ZNF423: variants seen among roughly 807,000 people sequenced by gnomAD.
ZNF423 encodes the protein zinc finger protein 423.
Under a neutral mutation model 95.8 loss-of-function variants are expected in ZNF423, and 12 were observed. That is an observed-to-expected ratio of 0.13 (90% CI 0.08 to 0.20). The LOEUF is 0.20. Ranked by LOEUF, ZNF423 falls within the 10% of genes least tolerant of loss-of-function variation. The pLI, the probability that ZNF423 is intolerant of heterozygous loss-of-function variation, is 1.00. For synonymous variants in ZNF423, 749 were observed against 711.9 expected (o/e 1.05, Z -0.83); for missense variants, 1,316 against 1,737.1 (o/e 0.76, Z 4.31).
At position 49,636,363 on chromosome 16, in the gene ZNF423, T is replaced by C; in HGVS notation, c.2813A>G (p.His938Arg). ...AGTCCGTGAACAAACGTTGCACTTG[T>C]GACTGCCCTTGATAAACTCAGCCTT... is the stretch of plus-strand genomic sequence containing the variant. ...RKKAEFIKGS[H>R]KCNVCSRTFF... The change falls in exon 4 of 8, where the codon CAC becomes CGC. Residue 938 changes from histidine (H) to arginine (R), a missense_variant. Coordinates refer to ENST00000563137, the MANE Select transcript of ZNF423 (RefSeq NM_001379286.1). This position sits in a 1 kb window ranked among gnomAD's most constrained non-coding sequence, Gnocchi z 8.6. 1.2e-6 allele frequency: 2 copies of C among 1,612,960 alleles called. No homozygotes were observed. Among genetic ancestry groups the C allele is most frequent in the Non-Finnish European group, 1.7e-6 (2 of 1,180,026 alleles).
At chr16:49,829,673 A>AT (rs2035042018) in intron 1 of ZNF423, among the ~76,000 whole-genome samples, 1 of 151,868 alleles carries the variant, frequency 6.6e-6, no homozygotes, top group Non-Finnish European at 1.5e-5. Flanking sequence ...TCCAGATTGG[A>AT]TTTTTTCACA....
intron 1 of ZNF423, among the ~76,000 whole-genome samples, chr16:49,844,299 A>C (rs1265264181): frequency 6.6e-6 from 1 of 152,178 alleles, no homozygotes; most frequent in East Asian, 1.9e-4. Flanking sequence ...ATAAATAATT[A>C]AAATTAAATT....
At chr16:49,793,466 T>G (rs908013889) in intron 1 of ZNF423, among the ~76,000 whole-genome samples, 3 of 152,180 alleles carry the variant, frequency 2.0e-5, no homozygotes, top group African/African-American at 7.2e-5. Flanking sequence ...CCGCGGCGCC[T>G]CCTCCAGACG....
intron 5 of ZNF423, among the ~76,000 whole-genome samples, chr16:49,568,677 C>T (rs140904835): frequency 8.8e-4 from 134 of 152,288 alleles, no homozygotes; most frequent in African/African-American, 3.0e-3. Context: ...ATGACAAATG[C>T]TGTCTGCGCA....
chr16:49,565,525 T>C (rs895347110), intron 5 of ZNF423, among the ~76,000 whole-genome samples: 1 of 152,150 alleles, frequency 6.6e-6, no homozygotes, highest in African/African-American at 2.4e-5. Flanking sequence ...AAAGGGGCTT[T>C]TCTCCCCTAA....
intron 2 of ZNF423, among the ~76,000 whole-genome samples, chr16:49,772,210 C>T (rs911281630): frequency 6.6e-6 from 1 of 152,228 alleles, no homozygotes; most frequent in African/African-American, 2.4e-5. Context: ...GTGCCGACGT[C>T]CAAGGGCAGG....
At chr16:49,646,856 G>A (rs941221179) in intron 3 of ZNF423, among the ~76,000 whole-genome samples, 2 of 152,208 alleles carry the variant, frequency 1.3e-5, no homozygotes, top group Admixed American at 1.3e-4. Flanking sequence ...ACAGGCGTGA[G>A]CCACCACGCC....
chr16:49,606,970 G>T (rs961447604), intron 5 of ZNF423, among the ~76,000 whole-genome samples: 1 of 152,122 alleles, frequency 6.6e-6, no homozygotes, highest in Non-Finnish European at 1.5e-5. Flanking sequence ...GCTGCCCCAG[G>T]AGCAGGAGAC....
rs546267875 is a variant in ZNF423 at position 49,534,065 on chromosome 16, G to A, written c.3602-8571C>T. The stretch of plus-strand genomic sequence containing the variant: ...AGGCAGGAAGATGTCTTCAGCCCAG[G>A]ACTTTGAGGTTACATTGAGCTATGA... On this transcript the variant is annotated intron_variant, in intron 5 of 7. Transcript: ENST00000563137. Among the ~76,000 whole-genome samples the A allele has an allele frequency of 4.6e-5, 7 of 152,146 alleles. No homozygotes were observed. The South Asian group carries it at 1.0e-3, about 23-fold the overall frequency.
At chr16:49,522,490 C>G (rs1445592246) in intron 7 of ZNF423, among the ~76,000 whole-genome samples, 1 of 152,060 alleles carries the variant, frequency 6.6e-6, no homozygotes, top group African/African-American at 2.4e-5. Flanking sequence ...GGATATGTCA[C>G]ATGGGCAACA....
Position 49,635,579 on chromosome 16 carries a change from C to T in ZNF423, c.3516+81G>A. 7.4e-6 allele frequency: 11 copies of T among 1,478,764 alleles called. No individual in the cohort carries two copies. Among genetic ancestry groups the T allele is most frequent in the African/African-American group, 1.4e-5 (1 of 70,586 alleles). The allele number at this position is 1,478,764 out of a possible 1,614,324, so 91.6% of individuals were successfully genotyped here. A position where few individuals can be genotyped will look rare whatever the true frequency, so the allele number is the denominator to read the frequency against. ...AGCGCCGCTTCTTGGAAACACGGCA[C>T]TCAGGGTACGTGGCTCCTGTGGGGA... On this transcript the variant is annotated intron_variant, in intron 4 of 7. Coordinates refer to ENST00000563137, the MANE Select transcript of ZNF423 (RefSeq NM_001379286.1). This position sits in a 1 kb window ranked among gnomAD's most constrained non-coding sequence, Gnocchi z 4.8.
intron 3 of ZNF423, among the ~76,000 whole-genome samples, chr16:49,707,179 C>T (rs986035695): frequency 2.6e-5 from 4 of 152,162 alleles, no homozygotes; most frequent in African/African-American, 4.8e-5. Context: ...GGTACCCCGA[C>T]GCCCTGTGTC....
At chr16:49,790,116 A>G (rs1044834612) in intron 1 of ZNF423, among the ~76,000 whole-genome samples, 2 of 152,232 alleles carry the variant, frequency 1.3e-5, no homozygotes, top group Non-Finnish European at 2.9e-5. Flanking sequence ...CACTAGGAGA[A>G]TATGGGAGAA....
chr16:49,725,937 G>A (rs1431286427), intron 3 of ZNF423, among the ~76,000 whole-genome samples: 1 of 152,222 alleles, frequency 6.6e-6, no homozygotes, highest in Non-Finnish European at 1.5e-5. Context: ...CCAATGCTGA[G>A]CTCCAAACTG....
chr16:49,845,403 C>A (rs2035234476), intron 1 of ZNF423, among the ~76,000 whole-genome samples: 1 of 151,640 alleles, frequency 6.6e-6, no homozygotes, highest in East Asian at 1.9e-4. Flanking sequence ...CTGCGCCCAG[C>A]AATTTTTTTT....
intron 2 of ZNF423, among the ~76,000 whole-genome samples, chr16:49,737,577 A>G (rs776724639): frequency 2.4e-4 from 37 of 152,148 alleles, no homozygotes; most frequent in Non-Finnish European, 4.9e-4. Context: ...ACTCTTAACC[A>G]CTATACGGAA....
chr16:49,630,315 C>T (rs1972454637), intron 4 of ZNF423, among the ~76,000 whole-genome samples: 1 of 152,186 alleles, frequency 6.6e-6, no homozygotes, highest in African/African-American at 2.4e-5. Context: ...CCTCGGGTGT[C>T]TCCAGCATCA....
chr16:49,715,989 AG>A (rs2032694731), intron 3 of ZNF423, among the ~76,000 whole-genome samples: 1 of 152,048 alleles, frequency 6.6e-6, no homozygotes, highest in Non-Finnish European at 1.5e-5. Context: ...TCGATGCTGC[AG>A]TGAGCTGTGA....
At position 49,855,546 on chromosome 16, in the gene ZNF423, C is replaced by T. The variant is rs2035355583; in HGVS notation, c.40+189G>A. Among the ~76,000 whole-genome samples the T allele has an allele frequency of 6.6e-6, 1 of 150,972 alleles. No homozygotes were observed. Among genetic ancestry groups the T allele is most frequent in the African/African-American group, 2.4e-5 (1 of 41,122 alleles). On this transcript the variant is annotated intron_variant, in intron 1 of 7. Coordinates refer to ENST00000563137, the MANE Select transcript of ZNF423 (RefSeq NM_001379286.1). This position sits in a 1 kb window ranked among gnomAD's most constrained non-coding sequence, Gnocchi z 4.7. ...CCGCCGCCGCCGCCGCCTCCGCCTCCTGCTCCCGGCTTCCTCCTCCCCCTC... is the reference window on the plus strand; with the variant it reads ...CCGCCGCCGCCGCCGCCTCCGCCTCTTGCTCCCGGCTTCCTCCTCCCCCTC...
Sources: allele counts gnomAD v4.1 joint callset (sites outside exome capture counted in the v4.1 genomes callset), GRCh38; gene constraint gnomAD v4.1.1; non-coding constraint Gnocchi (gnomAD v3.1); transcripts MANE v1.5; gene names NCBI Gene and HGNC (gene_info 2026-07-23, HGNC 2026-07-21).